KCNQ5: variants seen among roughly 807,000 people sequenced by gnomAD.
The protein encoded by KCNQ5 is potassium voltage-gated channel subfamily Q member 5.
A neutral mutation model predicts 98.2 loss-of-function variants in KCNQ5; 30 were observed. The ratio of observed to expected loss-of-function variants is 0.31; its 90% CI spans 0.23 to 0.41. The LOEUF (loss-of-function observed/expected upper bound fraction) is 0.41. KCNQ5 is among the 10% of genes least tolerant of loss of function. The pLI is 1.00. For missense variants in KCNQ5, 835 were observed against 1,182.5 expected, an observed-to-expected ratio of 0.71 and a Z score of 4.31; for synonymous variants, 458 against 449.4, an observed-to-expected ratio of 1.02 and a Z score of -0.24.
At chr6:73,153,464 A>C (rs1301494115) in intron 10 of KCNQ5, among the ~76,000 whole-genome samples, 2 of 152,126 alleles carry the variant, frequency 1.3e-5, no homozygotes, top group Non-Finnish European at 2.9e-5. Context: ...GCATCTTTGT[A>C]TGTGTGTGTG....
chr6:72,770,261 G>A (rs1772794216), intron 1 of KCNQ5, among the ~76,000 whole-genome samples: 1 of 152,054 alleles, frequency 6.6e-6, no homozygotes. Flanking sequence ...AGAGACAAAG[G>A]CCAAGTAGGT....
chr6:72,787,574 A>G (rs1230655246), intron 1 of KCNQ5, among the ~76,000 whole-genome samples: 2 of 152,298 alleles, frequency 1.3e-5, no homozygotes, highest in South Asian at 2.1e-4. Flanking sequence ...TAGCCAATCT[A>G]TGTAGGAAGC....
At chr6:72,691,124 G>C (rs1280869259) in intron 1 of KCNQ5, among the ~76,000 whole-genome samples, 1 of 152,190 alleles carries the variant, frequency 6.6e-6, no homozygotes, top group Non-Finnish European at 1.5e-5. Context: ...TATAGTTTCA[G>C]AGTATTTGGC....
intron 1 of KCNQ5, among the ~76,000 whole-genome samples, chr6:72,781,082 TAG>T: frequency 6.6e-6 from 1 of 152,068 alleles, no homozygotes; most frequent in East Asian, 1.9e-4. Flanking sequence ...TATTTGGAAA[TAG>T]AGTCTTTGTG....
intron 1 of KCNQ5, among the ~76,000 whole-genome samples, chr6:72,645,235 T>C (rs1390651087): frequency 1.4e-5 from 2 of 140,454 alleles, no homozygotes; most frequent in Admixed American, 7.3e-5. Context: ...AAAAAAAACA[T>C]AGTAGCTGCG....
chr6:72,963,517 C>T (rs1767471233), intron 1 of KCNQ5, among the ~76,000 whole-genome samples: 1 of 151,894 alleles, frequency 6.6e-6, no homozygotes, highest in Non-Finnish European at 1.5e-5. Flanking sequence ...CATGAAAATG[C>T]CTAAAATCTG....
At chr6:73,140,626 A>G (rs1776666044) in intron 10 of KCNQ5, among the ~76,000 whole-genome samples, 1 of 152,208 alleles carries the variant, frequency 6.6e-6, no homozygotes, top group Non-Finnish European at 1.5e-5. Context: ...TAATGTTAAG[A>G]ACAAAAGGAT....
At chr6:72,840,508 C>T (rs1190336079) in intron 1 of KCNQ5, among the ~76,000 whole-genome samples, 1 of 152,150 alleles carries the variant, frequency 6.6e-6, no homozygotes, top group Non-Finnish European at 1.5e-5. Flanking sequence ...GCTCCAGCTA[C>T]CCTCAGTATA....
intron 1 of KCNQ5, among the ~76,000 whole-genome samples, chr6:72,675,392 C>A (rs1767358453): frequency 6.6e-6 from 1 of 152,140 alleles, no homozygotes; most frequent in Non-Finnish European, 1.5e-5. Context: ...TTAAATTGTT[C>A]TAATTTATCT....
intron 9 of KCNQ5, among the ~76,000 whole-genome samples, chr6:73,127,216 T>C (rs1000618773): frequency 6.6e-6 from 1 of 152,198 alleles, no homozygotes; most frequent in Non-Finnish European, 1.5e-5. Flanking sequence ...AGAGTAGATC[T>C]GGGTCCAGAG....
chr6:72,995,634 A>C (rs1231820965), intron 1 of KCNQ5, among the ~76,000 whole-genome samples: 6 of 152,176 alleles, frequency 3.9e-5, no homozygotes, highest in Non-Finnish European at 7.4e-5. Context: ...GGGGTGCTCC[A>C]AAGTCAAGAT....
intron 1 of KCNQ5, among the ~76,000 whole-genome samples, chr6:72,860,467 T>G (rs1475445995): frequency 6.6e-6 from 1 of 152,216 alleles, no homozygotes; most frequent in Non-Finnish European, 1.5e-5. Flanking sequence ...TTCCTAGGCT[T>G]CAGTTTCCTC....
chr6:73,023,300 A>G (rs6918396), intron 2 of KCNQ5, among the ~76,000 whole-genome samples: 48,666 of 152,002 alleles, frequency 0.32, 10,508 homozygotes, highest in African/African-American at 0.61. Context: ...CTAAGAACAC[A>G]TGGTGTTCGA....
intron 1 of KCNQ5, among the ~76,000 whole-genome samples, chr6:72,717,481 C>T (rs1769704191): frequency 6.6e-6 from 1 of 152,150 alleles, no homozygotes; most frequent in Non-Finnish European, 1.5e-5. Flanking sequence ...TGGGTGACCA[C>T]TCTAGATTTC....
chr6:73,034,426 G>A (rs933568046), intron 2 of KCNQ5, among the ~76,000 whole-genome samples: 2 of 152,078 alleles, frequency 1.3e-5, no homozygotes, highest in Non-Finnish European at 2.9e-5. Context: ...TTATAATGTC[G>A]GCATTTCATC....
intron 2 of KCNQ5, 61 bp from the exon 3 acceptor site, chr6:73,041,875 G>T: frequency 3.7e-6 from 6 of 1,600,562 alleles, no homozygotes; most frequent in South Asian, 2.2e-5. Context: ...TATGCATAGA[G>T]CTTCTTACTG....
intron 1 of KCNQ5, among the ~76,000 whole-genome samples, chr6:72,640,153 A>G (rs1169534402): frequency 6.6e-6 from 1 of 152,100 alleles, no homozygotes; most frequent in Non-Finnish European, 1.5e-5. Flanking sequence ...ATGGAGCCCT[A>G]ACCCAAGGCT....
chr6:73,055,910 C>T, intron 3 of KCNQ5: 2 of 529,524 alleles, frequency 3.8e-6, no homozygotes, highest in East Asian at 8.9e-5. Flanking sequence ...GTCCCTCCCT[C>T]CTGAACATGT....
chr6:73,089,290 A>G (rs1774130478), intron 5 of KCNQ5, among the ~76,000 whole-genome samples: 1 of 152,186 alleles, frequency 6.6e-6, no homozygotes, highest in African/African-American at 2.4e-5. Flanking sequence ...ATAAAGATGA[A>G]CAGAATAAGG....
Sources: allele counts gnomAD v4.1 joint callset (sites outside exome capture counted in the v4.1 genomes callset), GRCh38; gene constraint gnomAD v4.1.1; transcripts MANE v1.5; gene names NCBI Gene and HGNC (gene_info 2026-07-23, HGNC 2026-07-21).